The following ADARB2 variants were observed in gnomAD, a reference collection of about 807,000 sequenced individuals.
The protein encoded by ADARB2 is inactive double-stranded RNA-specific editase B2.
In ADARB2, 25 loss-of-function variants were observed where a neutral mutation model predicts 62.2. The observed-to-expected ratio is 0.40, with a 90% CI of 0.29 to 0.56. The LOEUF (loss-of-function observed/expected upper bound fraction) is 0.56. Ranked by LOEUF, ADARB2 falls within the 20% of genes least tolerant of loss-of-function variation. ADARB2 has a pLI of 0.43. For synonymous variants in ADARB2, 572 were observed against 500.8 expected (o/e 1.14, Z -1.90); for missense variants, 1,071 against 1,077.4 (o/e 0.99, Z 0.08).
rs934693284 is a variant in ADARB2, at chr10:1,255,827, A to G, written c.1193-13528T>C. 2.6e-5 allele frequency among the ~76,000 whole-genome samples: 4 copies of G among 152,208 alleles called. No homozygotes were observed. The highest frequency in any genetic ancestry group is 9.7e-5 in the African/African-American group (4 of 41,450). On this transcript the variant is annotated intron_variant, in intron 4 of 9. Coordinates refer to ENST00000381312, the MANE Select transcript of ADARB2 (RefSeq NM_018702.4). This position sits in a 1 kb window ranked among gnomAD's most constrained non-coding sequence, Gnocchi z 4.7. Reference sequence around the variant, plus strand: ...ACTCATGGTGGGTCAAACACACTATAGCCCCATCAGCGGGCAGGACAAGTT... The same window carrying G: ...ACTCATGGTGGGTCAAACACACTATGGCCCCATCAGCGGGCAGGACAAGTT...
chr10:1,313,556 C>T (rs1170924890), intron 3 of ADARB2, among the ~76,000 whole-genome samples: 1 of 152,202 alleles, frequency 6.6e-6, no homozygotes, highest in African/African-American at 2.4e-5. Flanking sequence ...CCAATGCTTC[C>T]ACAGCAGAGC....
intron 1 of ADARB2, among the ~76,000 whole-genome samples, chr10:1,475,332 G>A (rs1294035869): frequency 6.6e-6 from 1 of 152,198 alleles, no homozygotes; most frequent in Non-Finnish European, 1.5e-5. Context: ...TTCCCCTTGG[G>A]CTTCCTGGTT....
At chr10:1,428,656 C>G (rs539746957) in intron 1 of ADARB2, among the ~76,000 whole-genome samples, 86 of 150,782 alleles carry the variant, frequency 5.7e-4, no homozygotes, top group Non-Finnish European at 1.1e-3. Flanking sequence ...TAGTGGTTGT[C>G]ATGGGTTAGA....
At chr10:1,218,793 C>T (rs1589155023) in intron 6 of ADARB2, among the ~76,000 whole-genome samples, 2 of 152,138 alleles carry the variant, frequency 1.3e-5, no homozygotes, top group African/African-American at 4.8e-5. Context: ...GCCTGTAATC[C>T]CAGCACTTTG....
intron 6 of ADARB2, among the ~76,000 whole-genome samples, chr10:1,224,298 C>A (rs1048300016): frequency 1.4e-4 from 21 of 151,824 alleles, no homozygotes; most frequent in Admixed American, 4.6e-4. Flanking sequence ...TATTGCATCT[C>A]TTTGATTCTT....
intron 1 of ADARB2, among the ~76,000 whole-genome samples, chr10:1,546,859 T>C (rs1832528102): frequency 6.6e-6 from 1 of 152,220 alleles, no homozygotes. Context: ...CATCGGCTAA[T>C]GCCAGGCAAG....
At chr10:1,366,149 A>C (rs939928371) in intron 2 of ADARB2, among the ~76,000 whole-genome samples, 1 of 152,210 alleles carries the variant, frequency 6.6e-6, no homozygotes, top group African/African-American at 2.4e-5. Context: ...GTAGGAGGGA[A>C]GTGCAATGAG....
chr10:1,694,511 G>A (rs1261399914), intron 1 of ADARB2, among the ~76,000 whole-genome samples: 7 of 151,552 alleles, frequency 4.6e-5, no homozygotes, highest in Non-Finnish European at 1.5e-5. Context: ...CACAACCGGT[G>A]GCACTTCCTT....
chr10:1,517,000 G>A (rs1832016640), intron 1 of ADARB2, among the ~76,000 whole-genome samples: 1 of 152,206 alleles, frequency 6.6e-6, no homozygotes, highest in Admixed American at 6.5e-5. Flanking sequence ...TCCCTTCCCG[G>A]TTTTTCATCC....
At chr10:1,663,933 A>G (rs1319276199) in intron 1 of ADARB2, among the ~76,000 whole-genome samples, 1 of 152,114 alleles carries the variant, frequency 6.6e-6, no homozygotes, top group Non-Finnish European at 1.5e-5. Flanking sequence ...ATTTCTTTTT[A>G]GCATGAAATA....
chr10:1,590,013 C>T (rs957691412), intron 1 of ADARB2, among the ~76,000 whole-genome samples: 3 of 152,208 alleles, frequency 2.0e-5, no homozygotes, highest in African/African-American at 7.2e-5. Flanking sequence ...TGTGGGCTGG[C>T]CTTGCTGGAT....
At chr10:1,557,351 A>T (rs1367835530) in intron 1 of ADARB2, among the ~76,000 whole-genome samples, 1 of 152,044 alleles carries the variant, frequency 6.6e-6, no homozygotes, top group Non-Finnish European at 1.5e-5. Flanking sequence ...TGGCAGCTCC[A>T]ACTCTCAACC....
In ADARB2 at chr10:1,225,741, C is replaced by T. The variant is rs1463829273; in HGVS notation, c.1513+7953G>A. Among the ~76,000 whole-genome samples the T allele has an allele frequency of 4.0e-5, 6 of 149,446 alleles. No individual in the cohort carries two copies. In the East Asian group the frequency reaches 1.2e-3, roughly 30 times the overall value. On this transcript the variant is annotated intron_variant, in intron 6 of 9. Coordinates refer to ENST00000381312, the MANE Select transcript of ADARB2 (RefSeq NM_018702.4). Reference sequence around the variant, plus strand: ...TTTAAGAATGTCGAATGTTGGTCCCCACTCTCTTCTGGCTTGTAGAGTTTC... The same window carrying T: ...TTTAAGAATGTCGAATGTTGGTCCCTACTCTCTTCTGGCTTGTAGAGTTTC...
At position 1,702,511 on chromosome 10, in the gene ADARB2, C is replaced by T. The variant is rs377404361; in HGVS notation, c.100+34540G>A. Among the ~76,000 whole-genome samples the T allele has an allele frequency of 2.2e-4, 33 of 152,302 alleles. 1 individual carries two copies. The highest frequency in any genetic ancestry group is 7.2e-4 in the African/African-American group (30 of 41,554). ...ATCCCGAAAATCTGGGGATTTTCCT[C>T]CATGTCCATCACTCTCTTCCCTTTT... On this transcript the variant is annotated intron_variant, in intron 1 of 9. Transcript: ENST00000381312.
intron 1 of ADARB2, among the ~76,000 whole-genome samples, chr10:1,393,947 G>A (rs1400017549): frequency 6.6e-6 from 1 of 152,256 alleles, no homozygotes; most frequent in African/African-American, 2.4e-5. Flanking sequence ...TTCTAGACAT[G>A]AGTGCTTCTC....
chr10:1,302,309 C>A (rs1313249905), intron 3 of ADARB2, among the ~76,000 whole-genome samples: 1 of 152,184 alleles, frequency 6.6e-6, no homozygotes, highest in African/African-American at 2.4e-5. Flanking sequence ...CTGAATACTG[C>A]GCTTTTCCGA....
At chr10:1,221,605 C>T (rs1830696844) in intron 6 of ADARB2, among the ~76,000 whole-genome samples, 1 of 145,456 alleles carries the variant, frequency 6.9e-6, no homozygotes, top group African/African-American at 2.5e-5. Flanking sequence ...GTGTGATGTT[C>T]CCCTTCCTGT....
chr10:1,725,624 C>T (rs926457743), intron 1 of ADARB2, among the ~76,000 whole-genome samples: 24 of 152,220 alleles, frequency 1.6e-4, no homozygotes, highest in Non-Finnish European at 3.1e-4. Context: ...CCCACCCACC[C>T]GGGGCAACAC....
chr10:1,470,415 T>C (rs914664262), intron 1 of ADARB2, among the ~76,000 whole-genome samples: 1 of 152,218 alleles, frequency 6.6e-6, no homozygotes, highest in Non-Finnish European at 1.5e-5. Context: ...CTGTAGGCCC[T>C]GTGGGGCTAA....
Sources: gnomAD v4.1 joint callset for allele counts (sites outside exome capture counted in the v4.1 genomes callset) on GRCh38, gnomAD v4.1.1 for gene constraint, Gnocchi (gnomAD v3.1) non-coding constraint, MANE v1.5 for transcripts, NCBI Gene and HGNC (gene_info 2026-07-23, HGNC 2026-07-21) for gene names.